The following ADAMTS18 variants were observed in gnomAD, a reference collection of about 807,000 sequenced individuals.
ADAMTS18 encodes the protein ADAM metallopeptidase with thrombospondin type 1 motif 18, also known as A disintegrin and metalloproteinase with thrombospondin motifs 18.
ADAMTS18 carries 157 observed loss-of-function variants against 165.9 expected under a neutral mutation model. The observed-to-expected ratio is 0.95, with a 90% CI of 0.83 to 1.08. The LOEUF (loss-of-function observed/expected upper bound fraction) is 1.08, where lower values mean the gene tolerates loss of function less well. Among genes scored for constraint, ADAMTS18 ranks in the 50% least tolerant of loss-of-function variants. The pLI, the probability that ADAMTS18 is intolerant of heterozygous loss-of-function variation, is 0.00. For synonymous variants in ADAMTS18, 782 were observed against 578.2 expected (o/e 1.35, Z -5.06); for missense variants, 2,040 against 1,534.0 (o/e 1.33, Z -5.51).
At position 77,359,337 on chromosome 16, in the gene ADAMTS18, C is replaced by T. The variant is rs2056676645; in HGVS notation, c.1303G>A (p.Ala435Thr). ...DTGLGLAFTIAHESGHNFGMI... is the reference protein window; with the variant it reads ...DTGLGLAFTITHESGHNFGMI... ...ACTTACTTGTGCCCTGACTCATGAG[C>T]GATGGTGAAGGCAAGGCCAAGTCCT... The change falls in exon 8 of 23, where the codon GCT becomes ACT. Residue 435 changes from alanine to threonine, a missense_variant. Ala to Thr is a moderately conservative substitution (Grantham distance 58). Coordinates refer to ENST00000282849, the MANE Select transcript of ADAMTS18 (RefSeq NM_199355.4). 1.2e-6 allele frequency: 2 copies of T among 1,613,832 alleles called. No homozygotes were observed. The highest frequency in any genetic ancestry group is 1.1e-5 in the South Asian group (1 of 90,996).
In ADAMTS18 at chr16:77,321,214, A is replaced by G. The variant is rs2055992485; in HGVS notation, c.2164-12T>C. The stretch of plus-strand genomic sequence containing the variant: ...TCACATCCCACTAGCTGTGACAAAA[A>G]CAAAAAACGTGAGAAAATAAAAGAT... On this transcript the variant is annotated splice_polypyrimidine_tract_variant and intron_variant, in intron 14 of 22. Transcript: ENST00000282849. 6.2e-7 allele frequency: 1 copy of G among 1,614,118 alleles called. No individual in the cohort carries two copies. The highest frequency in any genetic ancestry group is 8.5e-7 in the Non-Finnish European group (1 of 1,180,034).
intron 8 of ADAMTS18, among the ~76,000 whole-genome samples, chr16:77,356,814 T>C (rs1044108410): frequency 1.3e-5 from 2 of 152,094 alleles, no homozygotes; most frequent in African/African-American, 4.8e-5. Context: ...TGAAGAATTC[T>C]CAAATTTCCT....
intron 2 of ADAMTS18, among the ~76,000 whole-genome samples, chr16:77,432,882 T>G: frequency 6.6e-6 from 1 of 152,330 alleles, no homozygotes; most frequent in Middle Eastern, 3.4e-3. Context: ...GACAATAATT[T>G]TCTTCTGTTT....
intron 6 of ADAMTS18, 107 bp downstream of exon 6, chr16:77,363,695 T>A (rs576872300): frequency 1.0e-6 from 1 of 996,886 alleles, no homozygotes; most frequent in African/African-American, 1.6e-5. Context: ...AGTTTCAAAT[T>A]TGAGCAGCTA....
chr16:77,305,882 A>G (rs1297865669), intron 16 of ADAMTS18, among the ~76,000 whole-genome samples: 1 of 152,184 alleles, frequency 6.6e-6, no homozygotes, highest in Non-Finnish European at 1.5e-5. Context: ...GGCAATATGT[A>G]ACTTGAAAAT....
chr16:77,387,968 C>A (rs1012585857), intron 3 of ADAMTS18, among the ~76,000 whole-genome samples: 2 of 152,206 alleles, frequency 1.3e-5, no homozygotes, highest in African/African-American at 2.4e-5. Context: ...TTACTCCCAA[C>A]CCCCATCCTT....
chr16:77,367,771 G>A (rs368843352), intron 3 of ADAMTS18, 48 bp from the exon 4 acceptor site: 17 of 1,612,946 alleles, frequency 1.1e-5, no homozygotes, highest in South Asian at 5.5e-5. Flanking sequence ...ATGCATCCCT[G>A]TGCCAAGGGT....
chr16:77,291,494 G>C lies in ADAMTS18; in HGVS notation c.3190-16C>G, dbSNP rs138771231. The C allele has an allele frequency of 0.021, 33,368 of 1,613,116 alleles. 789 individuals are homozygous for C. Among genetic ancestry groups the C allele is most frequent in the South Asian group, 0.099 (9,059 of 91,064 alleles). On this transcript the variant is annotated splice_polypyrimidine_tract_variant and intron_variant, in intron 20 of 22. Coordinates refer to ENST00000282849, the MANE Select transcript of ADAMTS18 (RefSeq NM_199355.4). ...TTGCAGAACACTAGGAGCCAAGACAGGATGTGTAAAAGTGAAGACTGCCAG... is the reference window on the plus strand; with the variant it reads ...TTGCAGAACACTAGGAGCCAAGACACGATGTGTAAAAGTGAAGACTGCCAG...
At chr16:77,404,862 T>G (rs2057374409) in intron 3 of ADAMTS18, among the ~76,000 whole-genome samples, 1 of 152,132 alleles carries the variant, frequency 6.6e-6, no homozygotes, top group African/African-American at 2.4e-5. Flanking sequence ...CAGTGCAGCA[T>G]GATGACAAAG....
Position 77,283,640 on chromosome 16 carries a change from G to C in ADAMTS18, c.*316C>G. 1 of 329,106 alleles carries C rather than the reference G, an allele frequency of 3.0e-6. No individual in the cohort carries two copies. Among genetic ancestry groups the C allele is most frequent in the South Asian group, 3.0e-5 (1 of 33,492 alleles). The allele number at this position is 329,106 out of a possible 1,614,324, so 20.4% of individuals were successfully genotyped here. ...CCCTTGAACCCTTTGAAGTTCAAAA[G>C]GGGGTCTCTCCCCAAATCGACGTAT... On this transcript the variant is annotated 3_prime_UTR_variant, in exon 23 of 23. Transcript: ENST00000282849.
intron 16 of ADAMTS18, among the ~76,000 whole-genome samples, chr16:77,312,513 C>T (rs2055802241): frequency 6.6e-6 from 1 of 152,184 alleles, no homozygotes; most frequent in Non-Finnish European, 1.5e-5. Flanking sequence ...GCTGGGATTG[C>T]AGGCGTGAGC....
intron 17 of ADAMTS18, among the ~76,000 whole-genome samples, 154 bp from the exon 18 acceptor site, chr16:77,297,569 A>G (rs1166146276): frequency 6.7e-6 from 1 of 148,476 alleles, no homozygotes; most frequent in Non-Finnish European, 1.5e-5. Flanking sequence ...TGAAATTTGC[A>G]ACTAATTTGA....
chr16:77,430,149 A>AAAAC (rs35091044), intron 3 of ADAMTS18, among the ~76,000 whole-genome samples: 59,858 of 143,386 alleles, frequency 0.42, 12,810 homozygotes, highest in Non-Finnish European at 0.53. Context: ...GTGCCACAAC[A>AAAAC]AAACAAACAA....
At chr16:77,352,571 T>A (rs920989864) in intron 10 of ADAMTS18, among the ~76,000 whole-genome samples, 1 of 152,128 alleles carries the variant, frequency 6.6e-6, no homozygotes, top group Non-Finnish European at 1.5e-5. Context: ...GTAGAATGCC[T>A]TATGTGGGGC....
chr16:77,341,552 T>C, intron 11 of ADAMTS18, 152 bp downstream of exon 11: 1 of 700,886 alleles, frequency 1.4e-6, no homozygotes, highest in Non-Finnish European at 2.5e-6. Context: ...GCATTAAGCT[T>C]TGTAATTGCT....
intron 3 of ADAMTS18, among the ~76,000 whole-genome samples, chr16:77,390,623 G>C (rs1222977332): frequency 6.6e-6 from 1 of 151,880 alleles, no homozygotes; most frequent in Non-Finnish European, 1.5e-5. Context: ...CCGGCAGACG[G>C]AGGTTGCAGT....
At chr16:77,373,334 A>G (rs1224797853) in intron 3 of ADAMTS18, among the ~76,000 whole-genome samples, 1 of 151,734 alleles carries the variant, frequency 6.6e-6, no homozygotes, top group African/African-American at 2.4e-5. Flanking sequence ...CTAGCCAGGC[A>G]TATAGTCCCA....
intron 3 of ADAMTS18, among the ~76,000 whole-genome samples, chr16:77,370,152 G>C (rs998425064): frequency 5.9e-5 from 9 of 152,146 alleles, no homozygotes; most frequent in South Asian, 2.1e-4. Context: ...TTGAAAGAAA[G>C]CCTTTCCTCT....
Position 77,320,005 on chromosome 16 carries a change from T to C in ADAMTS18, c.2376A>G (p.Arg792=). ...LQVSSSYLAV[R]SLSQKYYLTG... is the part of the protein sequence containing the mutation. ...TGAGGTAATACTTTTGACTGAGGCTTCGAACTGCGAGGTAACTGGAGGAAA... is the reference window on the plus strand; with the variant it reads ...TGAGGTAATACTTTTGACTGAGGCTCCGAACTGCGAGGTAACTGGAGGAAA... Residue 792 remains arginine, a synonymous_variant, in exon 16 of 23, where the codon CGA becomes CGG. Coordinates refer to ENST00000282849, the MANE Select transcript of ADAMTS18 (RefSeq NM_199355.4). 3.1e-6 allele frequency: 5 copies of C among 1,614,172 alleles called. No individual in the cohort carries two copies. The highest frequency in any genetic ancestry group is 4.2e-6 in the Non-Finnish European group (5 of 1,180,032).
Sources: gnomAD v4.1 joint callset for allele counts (sites outside exome capture counted in the v4.1 genomes callset) on GRCh38, gnomAD v4.1.1 for gene constraint, MANE v1.5 for transcripts, NCBI Gene and HGNC (gene_info 2026-07-23, HGNC 2026-07-21) for gene names.